PTGER3: variants seen among roughly 807,000 people sequenced by gnomAD.
The protein encoded by PTGER3 is prostaglandin E2 receptor EP3 subtype.
PTGER3 carries 22 observed loss-of-function variants against 34.7 expected under a neutral mutation model. The ratio of observed to expected loss-of-function variants is 0.63; its 90% CI spans 0.45 to 0.91. The LOEUF (loss-of-function observed/expected upper bound fraction) is 0.91. PTGER3 is among the 40% of genes least tolerant of loss of function. The pLI, the probability that PTGER3 is intolerant of heterozygous loss-of-function variation, is 0.00. For missense variants in PTGER3, 468 were observed against 519.4 expected (o/e 0.90, Z 0.96); for synonymous variants, 241 against 230.1 (o/e 1.05, Z -0.43).
intron 4 of PTGER3, among the ~76,000 whole-genome samples, chr1:70,889,200 G>A (rs1261037809): frequency 6.6e-6 from 1 of 151,844 alleles, no homozygotes; most frequent in Non-Finnish European, 1.5e-5. Context: ...TGGATCACGA[G>A]TTCAGGAGAT....
chr1:70,892,026 G>C (rs1646628223), intron 4 of PTGER3, among the ~76,000 whole-genome samples: 1 of 152,158 alleles, frequency 6.6e-6, no homozygotes, highest in African/African-American at 2.4e-5. Context: ...AATGTTGAAA[G>C]GGCTTCCTAG....
chr1:70,935,704 T>C (rs1292658021), intron 4 of PTGER3, among the ~76,000 whole-genome samples: 2 of 149,498 alleles, frequency 1.3e-5, no homozygotes, highest in African/African-American at 5.0e-5. Flanking sequence ...TGTTCTGCTT[T>C]CTGCCTTTTA....
At chr1:70,976,674 C>T (rs1653736620) in intron 2 of PTGER3, among the ~76,000 whole-genome samples, 1 of 152,108 alleles carries the variant, frequency 6.6e-6, no homozygotes, top group Non-Finnish European at 1.5e-5. Flanking sequence ...TTTCCCATTT[C>T]TAAAAGATAA....
intron 4 of PTGER3, among the ~76,000 whole-genome samples, chr1:70,890,987 C>T (rs1019897935): frequency 6.6e-6 from 1 of 152,230 alleles, no homozygotes; most frequent in African/African-American, 2.4e-5. Flanking sequence ...ATGCTGTCCT[C>T]TCTGGAACCT....
At chr1:70,952,860 A>G in exon 4 of PTGER3, 1 of 1,532,006 alleles carries the variant, frequency 6.5e-7, no homozygotes, top group Non-Finnish European at 8.8e-7. Context: ...CAGCTGGAGG[A>G]GCTTGCTTTT....
rs773547212 is a variant in PTGER3 at position 70,952,683 on chromosome 1, T to C, written c.*224A>G. On this transcript the variant is annotated 3_prime_UTR_variant, in exon 4 of 4. Coordinates refer to the PTGER3 transcript ENST00000356595. ...ATTCTGAACCATGTGCTATTCTTACTATAAGTCTAAATTGGGTAGTTCGAG... is the reference window on the plus strand; with the variant it reads ...ATTCTGAACCATGTGCTATTCTTACCATAAGTCTAAATTGGGTAGTTCGAG... 1.4e-5 allele frequency: 16 copies of C among 1,173,656 alleles called. No homozygotes were observed. In the South Asian group the frequency reaches 3.6e-4, roughly 26 times the overall value. The allele number at this position is 1,173,656 out of a possible 1,614,324, so 72.7% of individuals were successfully genotyped here.
intron 4 of PTGER3, among the ~76,000 whole-genome samples, chr1:70,936,025 T>C (rs1649192906): frequency 6.6e-6 from 1 of 152,184 alleles, no homozygotes; most frequent in African/African-American, 2.4e-5. Context: ...ACGTAACAAG[T>C]TTCTAGAAGT....
At chr1:70,935,672 A>AATAT (rs10577850) in intron 4 of PTGER3, among the ~76,000 whole-genome samples, 9,453 of 140,188 alleles carry the variant, frequency 0.067, 390 homozygotes, top group African/African-American at 0.087. Flanking sequence ...TACAAATATA[A>AATAT]ATATATATAT....
chr1:70,879,164 G>A (rs549236553), intron 4 of PTGER3, among the ~76,000 whole-genome samples: 2 of 152,174 alleles, frequency 1.3e-5, no homozygotes, highest in South Asian at 4.2e-4. Flanking sequence ...GTGTTGGGTG[G>A]ATATATATGT....
At chr1:70,863,524 T>A (rs1222307122) in intron 4 of PTGER3, among the ~76,000 whole-genome samples, 1 of 152,112 alleles carries the variant, frequency 6.6e-6, no homozygotes, top group Non-Finnish European at 1.5e-5. Context: ...CATGAAAAAA[T>A]CTTTAAAGCT....
At chr1:71,007,517 T>C in intron 2 of PTGER3, 1 of 985,364 alleles carries the variant, frequency 1.0e-6, no homozygotes, top group Non-Finnish European at 1.2e-6. Context: ...GGTCCCTTCC[T>C]CTCTTTGCTT....
rs1380985149 is a variant in PTGER3, at chr1:70,971,020, T to C, written c.*710A>G. The C allele has an allele frequency of 6.1e-6, 6 of 985,264 alleles. No individual in the cohort carries two copies. Among genetic ancestry groups the C allele is most frequent in the Non-Finnish European group, 7.2e-6 (6 of 829,936 alleles). The allele number at this position is 985,264 out of a possible 1,614,324, so 61.0% of individuals were successfully genotyped here. On this transcript the variant is annotated 3_prime_UTR_variant, in exon 4 of 4. Transcript: ENST00000306666. ...TAATCATTCAACCTCAAATTTGTTTTTTATGACACTCCAAGGATGCCCTTA... is the reference window on the plus strand; with the variant it reads ...TAATCATTCAACCTCAAATTTGTTTCTTATGACACTCCAAGGATGCCCTTA...
chr1:70,971,460 C>A lies in PTGER3; in HGVS notation c.*270G>T. The A allele has an allele frequency of 8.7e-7, 1 of 1,146,724 alleles. No homozygotes were observed. Among genetic ancestry groups the A allele is most frequent in the South Asian group, 4.3e-5 (1 of 23,438 alleles). 71.0% of individuals were successfully genotyped at this position (1,146,724 alleles called of 1,614,324 possible). A position where few individuals can be genotyped will look rare whatever the true frequency, so the allele number is the denominator to read the frequency against. On this transcript the variant is annotated 3_prime_UTR_variant, in exon 4 of 4. Coordinates refer to ENST00000306666, the MANE Select transcript of PTGER3 (RefSeq NM_198719.2). ...ACAGGTCTTTCTTTTCATCACTTTTCCTCCAATCATCATCTGTGAAATTCT... is the reference window on the plus strand; with the variant it reads ...ACAGGTCTTTCTTTTCATCACTTTTACTCCAATCATCATCTGTGAAATTCT...
intron 1 of PTGER3, among the ~76,000 whole-genome samples, chr1:71,039,637 G>A (rs1391294344): frequency 6.6e-5 from 8 of 121,820 alleles, no homozygotes; most frequent in Admixed American, 2.9e-4. Flanking sequence ...GTGACAGAGC[G>A]AGACTCTGTC....
At chr1:70,979,129 G>T (rs917639930) in intron 2 of PTGER3, among the ~76,000 whole-genome samples, 3 of 152,082 alleles carry the variant, frequency 2.0e-5, no homozygotes, top group Admixed American at 1.3e-4. Flanking sequence ...TACTCAGTGA[G>T]CCCCACAAGA....
At chr1:71,044,415 G>GTT (rs1163142768) in intron 1 of PTGER3, among the ~76,000 whole-genome samples, 2 of 111,278 alleles carry the variant, frequency 1.8e-5, no homozygotes, top group Non-Finnish European at 3.7e-5. Flanking sequence ...CCAGCCTGGA[G>GTT]TTTTTTTTTT....
chr1:70,952,360 C>T (rs1285695202), downstream of PTGER3: 1 of 943,150 alleles, frequency 1.1e-6, no homozygotes, highest in East Asian at 1.2e-4. Context: ...CATCACACTT[C>T]CTAGTTTTGT....
chr1:70,857,934 G>A (rs1645845216), intron 4 of PTGER3, among the ~76,000 whole-genome samples: 1 of 152,212 alleles, frequency 6.6e-6, no homozygotes, highest in Admixed American at 6.5e-5. Context: ...ATTCAGGCCA[G>A]TTTACTGGGA....
At chr1:70,858,794 A>G (rs1645865454) in intron 4 of PTGER3, among the ~76,000 whole-genome samples, 1 of 152,244 alleles carries the variant, frequency 6.6e-6, no homozygotes, top group Admixed American at 6.5e-5. Context: ...GTAGTAAAAT[A>G]GAGGTAATAT....
Sources: gnomAD v4.1 joint callset for allele counts (sites outside exome capture counted in the v4.1 genomes callset) on GRCh38, gnomAD v4.1.1 for gene constraint, MANE v1.5 for transcripts, NCBI Gene and HGNC (gene_info 2026-07-23, HGNC 2026-07-21) for gene names.